Variants in KBTBD12 observed in about 807,000 individuals in gnomAD.
The protein encoded by KBTBD12 is kelch repeat and BTB domain-containing protein 12.
A neutral mutation model predicts 58.7 loss-of-function variants in KBTBD12; 53 were observed. The observed-to-expected ratio is 0.90, with a 90% CI of 0.72 to 1.14. The LOEUF (loss-of-function observed/expected upper bound fraction) is 1.14, where lower values mean the gene tolerates loss of function less well. Among genes scored for constraint, KBTBD12 ranks in the 50% most tolerant of loss-of-function variants. KBTBD12 has a pLI of 0.00. For synonymous variants in KBTBD12, 236 were observed against 259.8 expected (o/e 0.91, Z 0.88); for missense variants, 704 against 751.3 (o/e 0.94, Z 0.74).
chr3:127,973,704 A>T (rs1454606173), intron 5 of KBTBD12, among the ~76,000 whole-genome samples: 1 of 152,164 alleles, frequency 6.6e-6, no homozygotes, highest in Non-Finnish European at 1.5e-5. Context: ...GCTAACTATT[A>T]TTGACTCTAG....
chr3:127,947,576 G>A (rs1940110220), intron 4 of KBTBD12, among the ~76,000 whole-genome samples: 1 of 152,186 alleles, frequency 6.6e-6, no homozygotes, highest in Non-Finnish European at 1.5e-5. Context: ...GCCAGATTTG[G>A]TCACCTATAT....
intron 5 of KBTBD12, among the ~76,000 whole-genome samples, chr3:127,973,102 T>C (rs1428688172): frequency 6.6e-6 from 1 of 152,250 alleles, no homozygotes; most frequent in African/African-American, 2.4e-5. Context: ...AATAATGATA[T>C]AATTTTATAG....
chr3:127,948,703 G>C (rs1400715391), intron 4 of KBTBD12, among the ~76,000 whole-genome samples: 2 of 152,192 alleles, frequency 1.3e-5, no homozygotes, highest in Non-Finnish European at 2.9e-5. Flanking sequence ...CTCTGGGCTA[G>C]GCTCCTGAGC....
intron 4 of KBTBD12, among the ~76,000 whole-genome samples, chr3:127,944,469 C>T (rs1413549032): frequency 5.3e-5 from 8 of 151,930 alleles, no homozygotes; most frequent in Non-Finnish European, 2.9e-5. Context: ...TCTCTATTTC[C>T]TTGTCAGATA....
rs193016446 is a variant in KBTBD12, at chr3:127,920,469, T to A, written c.-112-2481T>A. On this transcript the variant is annotated intron_variant, in intron 1 of 5. Coordinates refer to ENST00000405109, the MANE Select transcript of KBTBD12 (RefSeq NM_207335.4). ...GATCTCCTATTAAGGGATGTTTAAG[T>A]TATTTCCAAATTTTTGCTATTTCAA... 1.5e-3 allele frequency among the ~76,000 whole-genome samples: 229 copies of A among 152,088 alleles called. 1 individual carries two copies. Among genetic ancestry groups the A allele is most frequent in the East Asian group, 0.01 (53 of 5,176 alleles).
At chr3:127,960,055 AG>A (rs1160881791) in intron 4 of KBTBD12, among the ~76,000 whole-genome samples, 1 of 152,232 alleles carries the variant, frequency 6.6e-6, no homozygotes, top group Non-Finnish European at 1.5e-5. Context: ...GATCAAACCC[AG>A]GGGAAAATAG....
At chr3:127,983,747 G>A (rs568299495) in intron 5 of KBTBD12, among the ~76,000 whole-genome samples, 7 of 140,514 alleles carry the variant, frequency 5.0e-5, no homozygotes, top group East Asian at 4.4e-4. Context: ...GCAAGACTCC[G>A]TCTCAAAAAA....
chr3:127,982,882 T>TTCTAAAG (rs1435492099), intron 5 of KBTBD12, among the ~76,000 whole-genome samples: 1 of 152,188 alleles, frequency 6.6e-6, no homozygotes, highest in African/African-American at 2.4e-5. Context: ...GCTCACAGCG[T>TTCTAAAG]TCTAAAGGTC....
intron 1 of KBTBD12, among the ~76,000 whole-genome samples, chr3:127,916,401 C>T (rs148961404): frequency 4.6e-5 from 7 of 152,102 alleles, no homozygotes; most frequent in Admixed American, 1.3e-4. Context: ...GGTGTGGAGA[C>T]GTAATCGTAT....
At chr3:127,946,191 T>A (rs1433379741) in intron 4 of KBTBD12, among the ~76,000 whole-genome samples, 1 of 152,254 alleles carries the variant, frequency 6.6e-6, no homozygotes, top group Non-Finnish European at 1.5e-5. Context: ...CAACCTGTTA[T>A]GTTTATTCAC....
intron 4 of KBTBD12, among the ~76,000 whole-genome samples, chr3:127,960,307 A>G (rs1940410094): frequency 6.6e-6 from 1 of 152,210 alleles, no homozygotes; most frequent in Non-Finnish European, 1.5e-5. Flanking sequence ...AGAGGCAGGC[A>G]TTGTCCTCTT....
intron 4 of KBTBD12, among the ~76,000 whole-genome samples, chr3:127,943,048 A>G (rs568609198): frequency 3.5e-4 from 54 of 152,314 alleles, no homozygotes; most frequent in African/African-American, 1.3e-3. Flanking sequence ...TTTATGAAGG[A>G]TATGTCTCCA....
At chr3:127,944,727 G>A (rs894791461) in intron 4 of KBTBD12, among the ~76,000 whole-genome samples, 5 of 152,090 alleles carry the variant, frequency 3.3e-5, no homozygotes, top group African/African-American at 1.2e-4. Flanking sequence ...AAGTGGCAAG[G>A]CATCCTTGCA....
chr3:127,954,795 G>A (rs72983909), intron 4 of KBTBD12, among the ~76,000 whole-genome samples: 8,575 of 152,160 alleles, frequency 0.056, 280 homozygotes, highest in East Asian at 0.097. Flanking sequence ...AGGGACTGGG[G>A]GTCACTTCCT....
chr3:127,930,143 CT>C lies in KBTBD12; in HGVS notation c.1353del (p.Asp452MetfsTer7). On this transcript the variant is annotated frameshift_variant, in exon 4 of 6. Transcript: ENST00000405109. LOFTEE classifies it high-confidence loss of function. ...IGGWTPQMDL[P>X]DEEPDRLSNK... is the part of the protein sequence containing the mutation. ...TCATATTTCATACAGATGGATCTTC[CT>C]GATGAAGAACCTGATCGATTAAGCA... 1 of 1,585,916 alleles carries C rather than the reference CT, an allele frequency of 6.3e-7. No homozygotes were observed. The highest frequency in any genetic ancestry group is 1.8e-5 in the Admixed American group (1 of 55,906).
At chr3:127,962,728 C>A (rs1439788727) in intron 4 of KBTBD12, among the ~76,000 whole-genome samples, 2 of 152,134 alleles carry the variant, frequency 1.3e-5, no homozygotes, top group African/African-American at 2.4e-5. Context: ...AAAGATCATG[C>A]AACTTAGGAA....
chr3:127,931,145 G>A (rs1302250509), intron 4 of KBTBD12, among the ~76,000 whole-genome samples: 1 of 151,842 alleles, frequency 6.6e-6, no homozygotes, highest in East Asian at 1.9e-4. Context: ...GAAATGGCAA[G>A]GAAGAAATAT....
intron 5 of KBTBD12, among the ~76,000 whole-genome samples, chr3:127,970,030 A>AAAATAATTG (rs1205073799): frequency 8.5e-5 from 13 of 152,256 alleles, no homozygotes; most frequent in Non-Finnish European, 1.5e-5. Context: ...AGGATGAGAG[A>AAAATAATTG]CAATAATTGC....
chr3:127,923,198 G>A lies in KBTBD12; in HGVS notation c.137G>A (p.Arg46Lys). Reference sequence around the variant, plus strand: ...GAAGGAGAGAAATTTCCTTGCCACAGACTGGTCCTGGCTGCATTTAGCCCT... The same window carrying A: ...GAAGGAGAGAAATTTCCTTGCCACAAACTGGTCCTGGCTGCATTTAGCCCT... ...TAEGEKFPCH[R>K]LVLAAFSPYF... The change falls in exon 2 of 6, where the codon AGA (arginine) becomes AAA (lysine). Residue 46 changes from arginine (R) to lysine (K), a missense_variant. Physicochemically the swap from Arg to Lys is conservative, Grantham distance 26 (BLOSUM62 2). Transcript: ENST00000405109. The A allele has an allele frequency of 6.2e-7, 1 of 1,613,872 alleles. No individual in the cohort carries two copies. The highest frequency in any genetic ancestry group is 8.5e-7 in the Non-Finnish European group (1 of 1,179,772).
Sources: gnomAD v4.1 joint callset for allele counts (sites outside exome capture counted in the v4.1 genomes callset) on GRCh38, gnomAD v4.1.1 for gene constraint, MANE v1.5 for transcripts, NCBI Gene and HGNC (gene_info 2026-07-23, HGNC 2026-07-21) for gene names.